OPCML: variants seen among roughly 807,000 people sequenced by gnomAD.
OPCML encodes opioid-binding protein/cell adhesion molecule.
In OPCML, 13 loss-of-function variants were observed where a neutral mutation model predicts 37.8. The observed-to-expected ratio is 0.34, with a 90% CI of 0.22 to 0.55. The LOEUF (loss-of-function observed/expected upper bound fraction) is 0.55, where lower values mean the gene tolerates loss of function less well. Among genes scored for constraint, OPCML ranks in the 20% least tolerant of loss-of-function variants. The probability of loss-of-function intolerance (pLI) is 0.91; values close to 1 mark genes in which losing one functional copy is unlikely to be tolerated. For synonymous variants in OPCML, 176 were observed against 168.8 expected, an observed-to-expected ratio of 1.04 and a Z score of -0.33; for missense variants, 341 against 435.6, an observed-to-expected ratio of 0.78 and a Z score of 1.93.
intron 2 of OPCML, among the ~76,000 whole-genome samples, chr11:132,692,585 C>G (rs926712903): frequency 6.6e-6 from 1 of 152,164 alleles, no homozygotes; most frequent in Admixed American, 6.5e-5. Context: ...AGGGGAGGTG[C>G]TTTCACTGCA....
At chr11:133,062,976 C>T (rs1015019410) in intron 1 of OPCML, among the ~76,000 whole-genome samples, 2 of 152,246 alleles carry the variant, frequency 1.3e-5, no homozygotes, top group East Asian at 3.8e-4. Flanking sequence ...TAAAGACAGC[C>T]GCATCCTCCT....
At chr11:133,327,351 A>C (rs575230952) in intron 1 of OPCML, among the ~76,000 whole-genome samples, 6 of 151,820 alleles carry the variant, frequency 4.0e-5, no homozygotes, top group South Asian at 2.1e-4. Context: ...TTTTGTGCAG[A>C]CTCTAGGATT....
At chr11:133,328,436 G>T (rs1020016950) in intron 1 of OPCML, among the ~76,000 whole-genome samples, 2 of 152,150 alleles carry the variant, frequency 1.3e-5, no homozygotes, top group African/African-American at 2.4e-5. Context: ...GGGATTACAG[G>T]CATGAGCCAC....
intron 1 of OPCML, among the ~76,000 whole-genome samples, chr11:133,123,620 G>A (rs1206829822): frequency 6.6e-6 from 1 of 152,054 alleles, no homozygotes; most frequent in East Asian, 1.9e-4. Flanking sequence ...GCTTGGAGGA[G>A]CAACACAGGG....
intron 3 of OPCML, among the ~76,000 whole-genome samples, chr11:132,618,372 G>A (rs1240270047): frequency 6.6e-6 from 1 of 152,092 alleles, no homozygotes; most frequent in African/African-American, 2.4e-5. Flanking sequence ...AGATGTGGTG[G>A]TGCACCTCTA....
rs541000226 is a variant in OPCML, at chr11:133,345,090, C to A, written c.61+187174G>T. Among the ~76,000 whole-genome samples, 4 of 152,272 alleles carry A rather than the reference C, an allele frequency of 2.6e-5. No individual in the cohort carries two copies. The South Asian group carries it at 6.2e-4, about 24-fold the overall frequency. On this transcript the variant is annotated intron_variant, in intron 1 of 7. Transcript: ENST00000524381. ...ATCTCAAATCATATACACCAGCCCC[C>A]CTATATCAAGCACAGAGGCCTAAAG... is the stretch of plus-strand genomic sequence containing the variant.
chr11:132,827,864 C>A (rs1220685673), intron 2 of OPCML, among the ~76,000 whole-genome samples: 1 of 151,874 alleles, frequency 6.6e-6, no homozygotes, highest in Non-Finnish European at 1.5e-5. Context: ...ATCTCCTGAC[C>A]TCATGATCTG....
At chr11:132,653,873 A>T (rs1373869808) in intron 3 of OPCML, among the ~76,000 whole-genome samples, 1 of 152,230 alleles carries the variant, frequency 6.6e-6, no homozygotes, top group Admixed American at 6.5e-5. Flanking sequence ...TTATAAACAG[A>T]CAAGTGGCAG....
intron 1 of OPCML, chr11:133,421,089 T>G: frequency 1.0e-6 from 1 of 985,418 alleles, no homozygotes; most frequent in Non-Finnish European, 1.2e-6. Flanking sequence ...AAACATAATC[T>G]GCGGTCAGCA....
chr11:132,420,672 C>T (rs749515920), intron 7 of OPCML, among the ~76,000 whole-genome samples: 1 of 152,058 alleles, frequency 6.6e-6, no homozygotes, highest in African/African-American at 2.4e-5. Context: ...AATGATGAGT[C>T]GGGGGGCACA....
chr11:132,699,772 A>T (rs1943736708), intron 2 of OPCML, among the ~76,000 whole-genome samples: 1 of 152,068 alleles, frequency 6.6e-6, no homozygotes, highest in Non-Finnish European at 1.5e-5. Flanking sequence ...GGATTTATGC[A>T]TTTATATTTA....
intron 1 of OPCML, among the ~76,000 whole-genome samples, chr11:133,188,911 A>G (rs927484069): frequency 6.6e-5 from 10 of 152,136 alleles, no homozygotes; most frequent in African/African-American, 2.4e-4. Context: ...TGGTTTAGTG[A>G]TGGATTTGCA....
chr11:132,872,521 C>G (rs1942845778), intron 2 of OPCML, among the ~76,000 whole-genome samples: 1 of 152,152 alleles, frequency 6.6e-6, no homozygotes, highest in South Asian at 2.1e-4. Context: ...GTCTGCATAT[C>G]TGGTGACTGG....
At chr11:132,468,314 CT>C (rs1216286122) in intron 4 of OPCML, among the ~76,000 whole-genome samples, 1 of 152,214 alleles carries the variant, frequency 6.6e-6, no homozygotes, top group African/African-American at 2.4e-5. Flanking sequence ...AGCATGCACA[CT>C]TTCTATCCAT....
At chr11:133,287,914 T>C (rs1942350352) in intron 1 of OPCML, among the ~76,000 whole-genome samples, 1 of 152,172 alleles carries the variant, frequency 6.6e-6, no homozygotes, top group African/African-American at 2.4e-5. Flanking sequence ...CCTGGTGGAC[T>C]GGTTTCTGGC....
intron 1 of OPCML, among the ~76,000 whole-genome samples, chr11:133,023,132 A>C (rs1591921376): frequency 1.3e-5 from 2 of 152,350 alleles, no homozygotes; most frequent in South Asian, 4.1e-4. Flanking sequence ...CTGGTGCAAC[A>C]GTTGTAGGAC....
At chr11:132,744,664 C>T (rs139726997) in intron 2 of OPCML, among the ~76,000 whole-genome samples, 60 of 152,290 alleles carry the variant, frequency 3.9e-4, no homozygotes, top group African/African-American at 1.4e-3. Context: ...TTAGGCACTG[C>T]CACGGAGAGC....
intron 1 of OPCML, among the ~76,000 whole-genome samples, chr11:132,966,598 T>C (rs970964754): frequency 9.9e-5 from 15 of 152,232 alleles, no homozygotes; most frequent in African/African-American, 3.6e-4. Context: ...TTATCTTCTA[T>C]TTCCCTGTAT....
intron 4 of OPCML, among the ~76,000 whole-genome samples, chr11:132,514,455 C>G (rs2096275489): frequency 6.6e-6 from 1 of 152,086 alleles, no homozygotes; most frequent in Non-Finnish European, 1.5e-5. Flanking sequence ...GATAGCAACA[C>G]TAGGGGATAA....
Sources: gnomAD v4.1 joint callset for allele counts (sites outside exome capture counted in the v4.1 genomes callset) on GRCh38, gnomAD v4.1.1 for gene constraint, MANE v1.5 for transcripts, NCBI Gene and HGNC (gene_info 2026-07-23, HGNC 2026-07-21) for gene names.